The following MTUS1 variants were observed in gnomAD, a reference collection of about 807,000 sequenced individuals.
MTUS1 encodes the protein microtubule-associated tumor suppressor 1.
Under a neutral mutation model 120.8 loss-of-function variants are expected in MTUS1, and 109 were observed. The ratio of observed to expected loss-of-function variants is 0.90; its 90% CI spans 0.77 to 1.06. The LOEUF is 1.06. Among genes scored for constraint, MTUS1 ranks in the 50% least tolerant of loss-of-function variants. MTUS1 has a pLI of 0.00. For synonymous variants in MTUS1, 737 were observed against 550.5 expected (o/e 1.34, Z -4.74); for missense variants, 2,210 against 1,486.3 (o/e 1.49, Z -8.01).
intron 3 of MTUS1, among the ~76,000 whole-genome samples, chr8:17,725,057 T>C (rs996041944): frequency 1.3e-5 from 2 of 152,084 alleles, no homozygotes; most frequent in African/African-American, 2.4e-5. Flanking sequence ...CACCCAGCCA[T>C]ATAGCCCTAT....
chr8:17,686,550 A>G (rs2130790878), intron 6 of MTUS1, among the ~76,000 whole-genome samples: 1 of 152,302 alleles, frequency 6.6e-6, no homozygotes. Flanking sequence ...TCATTTATTG[A>G]TAACTCCTTT....
chr8:17,704,765 T>C (rs1255525127), intron 6 of MTUS1, among the ~76,000 whole-genome samples: 1 of 152,190 alleles, frequency 6.6e-6, no homozygotes, highest in Non-Finnish European at 1.5e-5. Context: ...TCATTCTATA[T>C]GACTTTTGGG....
At chr8:17,664,831 G>C (rs1810548828) in intron 8 of MTUS1, among the ~76,000 whole-genome samples, 1 of 152,080 alleles carries the variant, frequency 6.6e-6, no homozygotes, top group African/African-American at 2.4e-5. Flanking sequence ...TTTGAAACTG[G>C]AGGTAGTAAC....
chr8:17,670,440 C>CA (rs1344684742), intron 8 of MTUS1, among the ~76,000 whole-genome samples: 5 of 152,180 alleles, frequency 3.3e-5, no homozygotes, highest in Admixed American at 2.0e-4. Flanking sequence ...AGCCACTTGA[C>CA]AGACTTTCCC....
chr8:17,715,758 G>T lies in MTUS1; in HGVS notation c.2584+9C>A, dbSNP rs754927615. On this transcript the variant is annotated intron_variant, in intron 5 of 14. Coordinates refer to ENST00000693296, the MANE Select transcript of MTUS1 (RefSeq NM_001363059.2). ...GCCCTCCCTCTTCAAACCACAATGAGGACTGTACCTTTTGGAGGAGTTTTC... is the reference window on the plus strand; with the variant it reads ...GCCCTCCCTCTTCAAACCACAATGATGACTGTACCTTTTGGAGGAGTTTTC... 3.7e-5 allele frequency: 59 copies of T among 1,609,312 alleles called. No individual in the cohort carries two copies. Among genetic ancestry groups the T allele is most frequent in the Non-Finnish European group, 4.9e-5 (58 of 1,178,762 alleles).
At position 17,691,763 on chromosome 8, in the gene MTUS1, G is replaced by A. The variant is rs527928252; in HGVS notation, c.2624-7221C>T. ...CATTGACGTCTACATTTTGTAGTAC[G>A]AAAAACACAAGAGAAATTGAAGTTT... On this transcript the variant is annotated intron_variant, in intron 6 of 14. Coordinates refer to ENST00000693296, the MANE Select transcript of MTUS1 (RefSeq NM_001363059.2). 1.8e-3 allele frequency among the ~76,000 whole-genome samples: 276 copies of A among 151,948 alleles called. 4 individuals are homozygous for A. The highest frequency in any genetic ancestry group is 6.3e-3 in the African/African-American group (259 of 41,412).
chr8:17,761,470 C>G (rs1031743352), intron 1 of MTUS1, among the ~76,000 whole-genome samples: 3 of 152,276 alleles, frequency 2.0e-5, no homozygotes, highest in African/African-American at 7.2e-5. Context: ...AACTGCATGA[C>G]GTGACCAAAT....
At chr8:17,785,206 AAAGAGCCT>A (rs2051205629) in intron 1 of MTUS1, among the ~76,000 whole-genome samples, 1 of 152,030 alleles carries the variant, frequency 6.6e-6, no homozygotes, top group Non-Finnish European at 1.5e-5. Context: ...AAGAGCCTCC[AAAGAGCCT>A]CCAGTTCAGC....
chr8:17,657,058 C>CAAAAAA (rs1219286349), intron 8 of MTUS1, among the ~76,000 whole-genome samples: 99 of 56,606 alleles, frequency 1.7e-3, no homozygotes, highest in African/African-American at 2.6e-3. Context: ...GATTCTGTCT[C>CAAAAAA]AAAAAAAAAA....
chr8:17,666,772 G>A (rs572281104), intron 8 of MTUS1, among the ~76,000 whole-genome samples: 13 of 152,284 alleles, frequency 8.5e-5, no homozygotes, highest in African/African-American at 2.9e-4. Flanking sequence ...CATCTTTTTA[G>A]AAGTGCTGCC....
chr8:17,682,345 G>A (rs1252697290), intron 7 of MTUS1, among the ~76,000 whole-genome samples: 1 of 152,060 alleles, frequency 6.6e-6, no homozygotes, highest in East Asian at 1.9e-4. Flanking sequence ...GTGAAACCCT[G>A]TCTCTACTAG....
In MTUS1 at chr8:17,754,579, C is replaced by T. The variant is rs1009722975; in HGVS notation, c.1229G>A (p.Gly410Glu). Residue 410 changes from glycine (G) to glutamate (E), a missense_variant, in exon 2 of 15, where the codon GGA becomes GAA. Gly to Glu is a moderately conservative substitution (Grantham distance 98). Coordinates refer to ENST00000693296, the MANE Select transcript of MTUS1 (RefSeq NM_001363059.2). ...CATATCATTTGCATCCCAAGTCAGT[C>T]CAAATGACGAGCCCACCTTTTGTCC... ...PPGQKVGSSF[G>E]LTWDANDMVI... 6.2e-7 allele frequency: 1 copy of T among 1,614,156 alleles called. No individual in the cohort carries two copies. Among genetic ancestry groups the T allele is most frequent in the African/African-American group, 1.3e-5 (1 of 75,026 alleles).
intron 2 of MTUS1, among the ~76,000 whole-genome samples, chr8:17,747,526 C>T (rs960259839): frequency 1.3e-5 from 2 of 152,176 alleles, no homozygotes; most frequent in African/African-American, 4.8e-5. Context: ...ACCCCACCTT[C>T]AAGGCAAAAA....
chr8:17,661,623 G>C (rs1347734868), intron 8 of MTUS1, among the ~76,000 whole-genome samples: 1 of 152,100 alleles, frequency 6.6e-6, no homozygotes, highest in Non-Finnish European at 1.5e-5. Context: ...CCATGGGACA[G>C]GGCTGTTTCC....
At chr8:17,714,009 T>C (rs1002358571) in intron 5 of MTUS1, among the ~76,000 whole-genome samples, 2 of 152,218 alleles carry the variant, frequency 1.3e-5, no homozygotes, top group Non-Finnish European at 1.5e-5. Flanking sequence ...AAGCTGTCCA[T>C]GGAATCTCAT....
At chr8:17,658,753 G>C (rs967157266) in intron 8 of MTUS1, among the ~76,000 whole-genome samples, 1 of 152,128 alleles carries the variant, frequency 6.6e-6, no homozygotes, top group African/African-American at 2.4e-5. Context: ...AAAATGGCAG[G>C]TTCTTAGGAA....
intron 7 of MTUS1, among the ~76,000 whole-genome samples, chr8:17,678,258 C>G (rs1024796494): frequency 6.6e-6 from 1 of 152,162 alleles, no homozygotes; most frequent in African/African-American, 2.4e-5. Context: ...TACTCAGCTG[C>G]TCCTAGATCA....
At chr8:17,646,667 G>C (rs964877931) in intron 14 of MTUS1, among the ~76,000 whole-genome samples, 2 of 152,156 alleles carry the variant, frequency 1.3e-5, no homozygotes, top group African/African-American at 4.8e-5. Context: ...TATTCGACAT[G>C]TTTTATGACT....
chr8:17,749,062 A>G (rs1217197060), intron 2 of MTUS1, among the ~76,000 whole-genome samples: 1 of 152,160 alleles, frequency 6.6e-6, no homozygotes, highest in African/African-American at 2.4e-5. Context: ...GGGCATTCCA[A>G]GGTTAACCTG....
Sources: gnomAD v4.1 joint callset for allele counts (sites outside exome capture counted in the v4.1 genomes callset) on GRCh38, gnomAD v4.1.1 for gene constraint, MANE v1.5 for transcripts, NCBI Gene and HGNC (gene_info 2026-07-23, HGNC 2026-07-21) for gene names.